Variants in GBF1 observed in about 807,000 individuals in gnomAD.
The protein encoded by GBF1 is golgi brefeldin A resistant guanine nucleotide exchange factor 1.
A neutral mutation model predicts 210.5 loss-of-function variants in GBF1; 114 were observed. The ratio of observed to expected loss-of-function variants is 0.54; its 90% CI spans 0.47 to 0.63. The LOEUF (loss-of-function observed/expected upper bound fraction) is 0.63. Among genes scored for constraint, GBF1 ranks in the 30% least tolerant of loss-of-function variants. The pLI, the probability that GBF1 is intolerant of heterozygous loss-of-function variation, is 0.00. For missense variants in GBF1, 1,851 were observed against 2,357.7 expected, an observed-to-expected ratio of 0.79 and a Z score of 4.45; for synonymous variants, 850 against 889.2, an observed-to-expected ratio of 0.96 and a Z score of 0.78.
At position 102,376,635 on chromosome 10, in the gene GBF1, A is replaced by G; in HGVS notation, c.4123A>G (p.Ser1375Gly). ...CCCTTCACCCCTGATCAATCAATAC[A>G]GCCTAACAGTGGGACTGGATTTGGG... is the stretch of plus-strand genomic sequence containing the variant. ...PGPSPLINQY[S>G]LTVGLDLGPH... Residue 1375 changes from serine to glycine, a missense_variant, in exon 32 of 40, where the codon AGC (serine) becomes GGC (glycine). Ser to Gly is a moderately conservative substitution (Grantham distance 56). Transcript: ENST00000369983. The G allele has an allele frequency of 1.9e-6, 3 of 1,613,920 alleles. No homozygotes were observed. Among genetic ancestry groups the G allele is most frequent in the African/African-American group, 1.3e-5 (1 of 75,008 alleles).
intron 1 of GBF1, among the ~76,000 whole-genome samples, chr10:102,251,264 A>G (rs1387299481): frequency 6.6e-6 from 1 of 152,124 alleles, no homozygotes; most frequent in Non-Finnish European, 1.5e-5. Flanking sequence ...AGAAGCAAAT[A>G]TATATTATCA....
At chr10:102,263,972 A>C (rs1470139235) in intron 3 of GBF1, among the ~76,000 whole-genome samples, 1 of 152,154 alleles carries the variant, frequency 6.6e-6, no homozygotes, top group Non-Finnish European at 1.5e-5. Context: ...GAAGGAGTTA[A>C]AACAGATGTG....
intron 39 of GBF1, among the ~76,000 whole-genome samples, chr10:102,381,701 T>TA (rs1330523514): frequency 2.6e-5 from 4 of 151,438 alleles, no homozygotes; most frequent in Middle Eastern, 3.2e-3. Context: ...AGTGCACACC[T>TA]ATAATCCCAG....
At chr10:102,234,969 A>G in the GBF1 span, among the ~76,000 whole-genome samples, 2 of 152,192 alleles carry the variant, frequency 1.3e-5, no homozygotes, top group African/African-American at 4.8e-5. Context: ...AGAGACAGAC[A>G]GACACATGTG....
rs1329959630 is a variant in GBF1, at chr10:102,360,222, G to A, written c.1219G>A (p.Glu407Lys). 2.5e-6 allele frequency: 4 copies of A among 1,613,738 alleles called. No individual in the cohort carries two copies. Among genetic ancestry groups the A allele is most frequent in the Non-Finnish European group, 3.4e-6 (4 of 1,179,906 alleles). Residue 407 changes from glutamate to lysine, a missense_variant, in exon 12 of 40, where the codon GAG becomes AAG. Glu to Lys is a moderately conservative substitution (Grantham distance 56). Transcript: ENST00000369983. Reference protein sequence around the residue: ...LVPYGLPCIRELFRFLISLTN... With the variant: ...LVPYGLPCIRKLFRFLISLTN... The stretch of plus-strand genomic sequence containing the variant: ...CCCCTATGGTCTTCCCTGCATCCGC[G>A]AGCTCTTCCGCTTCCTCATCTCCCT...
At chr10:102,378,108 C>G (rs2060617712) in intron 33 of GBF1, among the ~76,000 whole-genome samples, 1 of 151,552 alleles carries the variant, frequency 6.6e-6, no homozygotes, top group Non-Finnish European at 1.5e-5. Context: ...GTCCCAGCTA[C>G]TCGGGAGGCT....
intron 3 of GBF1, among the ~76,000 whole-genome samples, chr10:102,285,224 A>C (rs953665595): frequency 6.6e-6 from 1 of 152,160 alleles, no homozygotes; most frequent in Non-Finnish European, 1.5e-5. Flanking sequence ...TTGGGTCTTG[A>C]AAGTAGATGA....
chr10:102,345,236 C>T (rs1411447283), intron 4 of GBF1, among the ~76,000 whole-genome samples: 1 of 145,972 alleles, frequency 6.9e-6, no homozygotes. Flanking sequence ...GAGCAGAGAT[C>T]GCGCCACTGT....
chr10:102,337,294 T>TAC (rs2057822734), intron 3 of GBF1, among the ~76,000 whole-genome samples: 2 of 804 alleles, frequency 2.5e-3, no homozygotes, highest in African/African-American at 3.0e-3. Context: ...GGAAGAATGG[T>TAC]GCGTGGGGGA....
chr10:102,295,928 T>G (rs1225964476), intron 3 of GBF1, among the ~76,000 whole-genome samples: 1 of 152,214 alleles, frequency 6.6e-6, no homozygotes, highest in East Asian at 1.9e-4. Context: ...TCTGTTAAGT[T>G]TATTTGTATA....
rs773094655 is a variant in GBF1, at chr10:102,367,083, A to G, written c.2434-2A>G. Reference sequence around the variant, plus strand: ...ACACAGGCGGGATCTTTGCTTTTTCAGAATTGTAATGGCTCCCCATTTGCC... The same window carrying G: ...ACACAGGCGGGATCTTTGCTTTTTCGGAATTGTAATGGCTCCCCATTTGCC... On this transcript the variant is annotated splice_acceptor_variant, in intron 19 of 39. Transcript: ENST00000369983. LOFTEE classifies it high-confidence loss of function. 6.2e-7 allele frequency: 1 copy of G among 1,614,086 alleles called. No homozygotes were observed. The highest frequency in any genetic ancestry group is 1.1e-5 in the South Asian group (1 of 91,072).
At chr10:102,269,391 G>A (rs1406456153) in intron 3 of GBF1, among the ~76,000 whole-genome samples, 4 of 152,204 alleles carry the variant, frequency 2.6e-5, no homozygotes, top group Non-Finnish European at 1.5e-5. Context: ...ATGTAGTGTG[G>A]GAGCTAGAGT....
Position 102,382,213 on chromosome 10 carries a change from G to C in GBF1, c.5460G>C (p.Val1820=), listed in dbSNP as rs756224507. The part of the protein sequence containing the change: ...ILQPLASPLQ[V]GVPPMTLPII... ...AGCCCTTGGCCTCCCCACTGCAGGT[G>C]GGCGTGCCACCTATGACTCTGCCCA... is the stretch of plus-strand genomic sequence containing the variant. The change falls in exon 40 of 40, where the codon GTG becomes GTC. Residue 1820 remains valine, a synonymous_variant. Transcript: ENST00000369983. The C allele has an allele frequency of 1.2e-6, 2 of 1,614,110 alleles. No individual in the cohort carries two copies. The highest frequency in any genetic ancestry group is 1.7e-6 in the Non-Finnish European group (2 of 1,179,978).
chr10:102,284,498 T>C (rs1219814349), intron 3 of GBF1, among the ~76,000 whole-genome samples: 1 of 152,218 alleles, frequency 6.6e-6, no homozygotes, highest in Non-Finnish European at 1.5e-5. Flanking sequence ...ATATTTCATA[T>C]AAATGGAATC....
rs189424738 is a variant in GBF1, at chr10:102,295,999, C to T, written c.163+35883C>T. On this transcript the variant is annotated intron_variant, in intron 3 of 39. Transcript: ENST00000369983. Reference sequence around the variant, plus strand: ...TAACATTCATTCCAAAATGTGGTTTCACTTATTCTCAATAAACTCATTTAT... The same window carrying T: ...TAACATTCATTCCAAAATGTGGTTTTACTTATTCTCAATAAACTCATTTAT... 2.0e-5 allele frequency among the ~76,000 whole-genome samples: 3 copies of T among 152,206 alleles called. No individual in the cohort carries two copies. In the East Asian group the frequency reaches 5.8e-4, roughly 29 times the overall value.
Position 102,382,381 on chromosome 10 carries a change from T to C in GBF1, c.*45T>C. 1 of 1,514,904 alleles carries C rather than the reference T, an allele frequency of 6.6e-7. No homozygotes were observed. Among genetic ancestry groups the C allele is most frequent in the Non-Finnish European group, 8.9e-7 (1 of 1,119,828 alleles). 93.8% of individuals were successfully genotyped at this position (1,514,904 alleles called of 1,614,324 possible). On this transcript the variant is annotated 3_prime_UTR_variant, in exon 40 of 40. Coordinates refer to ENST00000369983, the MANE Select transcript of GBF1 (RefSeq NM_001377137.1). ...AGGACCAGTGCTTCCCACCAGGCTTTCCTTGACCCCACTTCTGGCTGTCCT... is the reference window on the plus strand; with the variant it reads ...AGGACCAGTGCTTCCCACCAGGCTTCCCTTGACCCCACTTCTGGCTGTCCT...
rs930487516 is a variant in GBF1, at chr10:102,363,658, T to C, written c.2018-52T>C. The C allele has an allele frequency of 1.6e-6, 2 of 1,212,484 alleles. No homozygotes were observed. The highest frequency in any genetic ancestry group is 1.2e-6 in the Non-Finnish European group (1 of 815,134). The allele number at this position is 1,212,484 out of a possible 1,614,324, so 75.1% of individuals were successfully genotyped here. ...TGGTGACCTTCCAAAAGTCCTTATC[T>C]GGGTAAAAAAAGGTGTTACAGATAT... On this transcript the variant is annotated intron_variant, in intron 16 of 39. Coordinates refer to ENST00000369983, the MANE Select transcript of GBF1 (RefSeq NM_001377137.1). The surrounding 1 kb of genome is among the most constrained non-coding windows in gnomAD (Gnocchi z 4.2).
chr10:102,286,452 G>A (rs762849873), intron 3 of GBF1, among the ~76,000 whole-genome samples: 15 of 152,164 alleles, frequency 9.9e-5, no homozygotes, highest in Non-Finnish European at 1.8e-4. Context: ...TATTTGCCTG[G>A]AAGTACACAC....
At chr10:102,310,315 G>A (rs1325978896) in intron 3 of GBF1, among the ~76,000 whole-genome samples, 11 of 152,216 alleles carry the variant, frequency 7.2e-5, no homozygotes, top group Non-Finnish European at 1.5e-4. Context: ...AATTGAAGCT[G>A]TACATGTGCC....
Sources: gnomAD v4.1 joint callset for allele counts (sites outside exome capture counted in the v4.1 genomes callset) on GRCh38, gnomAD v4.1.1 for gene constraint, Gnocchi (gnomAD v3.1) non-coding constraint, MANE v1.5 for transcripts, NCBI Gene and HGNC (gene_info 2026-07-23, HGNC 2026-07-21) for gene names.